SNX18: variants seen among roughly 807,000 people sequenced by gnomAD.
The protein encoded by SNX18 is sorting nexin 18, also known as sorting nexin-18.
SNX18 carries 35 observed loss-of-function variants against 48.7 expected under a neutral mutation model. That is an observed-to-expected ratio of 0.72 (90% CI 0.55 to 0.95). The LOEUF (loss-of-function observed/expected upper bound fraction) is 0.95. Ranked by LOEUF, SNX18 falls within the 40% of genes least tolerant of loss-of-function variation. The probability of loss-of-function intolerance (pLI) is 0.00; values close to 1 mark genes in which losing one functional copy is unlikely to be tolerated. For missense variants in SNX18, 824 were observed against 871.0 expected, an observed-to-expected ratio of 0.95 and a Z score of 0.68; for synonymous variants, 492 against 384.7, an observed-to-expected ratio of 1.28 and a Z score of -3.26.
the SNX18 span, among the ~76,000 whole-genome samples, chr5:54,568,950 C>G: frequency 5.4e-5 from 8 of 147,098 alleles, no homozygotes; most frequent in African/African-American, 2.0e-4. Context: ...TCAAGCCATT[C>G]TCCTACCTCA....
At chr5:54,553,718 C>G in the SNX18 span, among the ~76,000 whole-genome samples, 6 of 152,306 alleles carry the variant, frequency 3.9e-5, 1 homozygote, top group Middle Eastern at 0.014. Context: ...GTGCACACAT[C>G]TGTATGTCAG....
chr5:54,630,346 T>C, the SNX18 span, among the ~76,000 whole-genome samples: 1 of 152,168 alleles, frequency 6.6e-6, no homozygotes, highest in Non-Finnish European at 1.5e-5. Context: ...TGCGTGTGCA[T>C]GTGCAGAGAT....
chr5:54,631,194 C>A, the SNX18 span, among the ~76,000 whole-genome samples: 3 of 152,194 alleles, frequency 2.0e-5, no homozygotes, highest in Admixed American at 2.0e-4. Context: ...CCAGCCAAAA[C>A]TAACAGCCGG....
the SNX18 span, among the ~76,000 whole-genome samples, chr5:54,597,540 C>T: frequency 6.6e-6 from 1 of 152,134 alleles, no homozygotes; most frequent in African/African-American, 2.4e-5. Flanking sequence ...CCATAACAGT[C>T]TCTCAGACCA....
chr5:54,551,887 T>C, the SNX18 span, among the ~76,000 whole-genome samples: 1 of 152,228 alleles, frequency 6.6e-6, no homozygotes, highest in Non-Finnish European at 1.5e-5. Flanking sequence ...CAGAGACCTT[T>C]GTGATCCTCT....
At chr5:54,618,348 G>C in the SNX18 span, among the ~76,000 whole-genome samples, 1 of 152,192 alleles carries the variant, frequency 6.6e-6, no homozygotes, top group Non-Finnish European at 1.5e-5. Context: ...AGCAGTGTGA[G>C]AATGGACCAA....
At chr5:54,640,582 G>A in the SNX18 span, among the ~76,000 whole-genome samples, 1 of 152,150 alleles carries the variant, frequency 6.6e-6, no homozygotes, top group African/African-American at 2.4e-5. Flanking sequence ...CCCAGCAAGA[G>A]ATCATCTGGA....
chr5:54,519,689 G>A (rs1235600324), intron 1 of SNX18, 116 bp downstream of exon 1: 2 of 1,614,198 alleles, frequency 1.2e-6, no homozygotes, highest in Non-Finnish European at 1.7e-6. Flanking sequence ...GTGAGGAAGC[G>A]AGCAGAGACG....
the SNX18 span, among the ~76,000 whole-genome samples, chr5:54,597,746 G>C: frequency 6.6e-6 from 1 of 152,192 alleles, no homozygotes; most frequent in Admixed American, 6.5e-5. Context: ...GCAGTGTTAA[G>C]AGGGAGATTT....
the SNX18 span, among the ~76,000 whole-genome samples, chr5:54,583,188 G>A: frequency 6.6e-6 from 1 of 152,152 alleles, no homozygotes; most frequent in Non-Finnish European, 1.5e-5. Flanking sequence ...TGTTTCTCAG[G>A]CTGGTCTTGA....
chr5:54,561,071 T>G, the SNX18 span, among the ~76,000 whole-genome samples: 6 of 152,204 alleles, frequency 3.9e-5, no homozygotes, highest in African/African-American at 1.4e-4. Context: ...AGATGGAGTT[T>G]TGTTCTGATT....
chr5:54,608,519 A>C, the SNX18 span, among the ~76,000 whole-genome samples: 30 of 152,188 alleles, frequency 2.0e-4, no homozygotes, highest in Admixed American at 1.5e-3. Flanking sequence ...TACAGGCATA[A>C]GGCACCACAC....
chr5:54,578,574 G>C, the SNX18 span, among the ~76,000 whole-genome samples: 2 of 152,186 alleles, frequency 1.3e-5, no homozygotes, highest in African/African-American at 2.4e-5. Flanking sequence ...CTGCCTTTGT[G>C]GGGAGCTGAA....
the SNX18 span, among the ~76,000 whole-genome samples, chr5:54,602,343 C>A: frequency 6.6e-6 from 1 of 152,164 alleles, no homozygotes; most frequent in East Asian, 1.9e-4. Flanking sequence ...AGGTAGGTGT[C>A]ACTGGGAAAA....
chr5:54,607,425 CT>C, the SNX18 span, among the ~76,000 whole-genome samples: 1 of 152,226 alleles, frequency 6.6e-6, no homozygotes, highest in African/African-American at 2.4e-5. Flanking sequence ...CCTTTTCACA[CT>C]CTTTCGATGT....
chr5:54,640,496 T>C, the SNX18 span, among the ~76,000 whole-genome samples: 3 of 152,278 alleles, frequency 2.0e-5, no homozygotes, highest in Admixed American at 1.3e-4. Flanking sequence ...TTGCTGGGAT[T>C]ACAAGGCATC....
At chr5:54,590,485 GCCAGAT>G in the SNX18 span, among the ~76,000 whole-genome samples, 3 of 152,016 alleles carry the variant, frequency 2.0e-5, no homozygotes, top group Admixed American at 6.5e-5. Context: ...GTCTCCCTAA[GCCAGAT>G]CCATGTGATC....
the SNX18 span, among the ~76,000 whole-genome samples, chr5:54,616,931 AT>A: frequency 6.6e-6 from 1 of 152,164 alleles, no homozygotes; most frequent in African/African-American, 2.4e-5. Context: ...AATGGGAGAT[AT>A]TTGGGGACAG....
the SNX18 span, among the ~76,000 whole-genome samples, chr5:54,638,719 AC>A: frequency 6.6e-6 from 1 of 152,220 alleles, no homozygotes; most frequent in South Asian, 2.1e-4. Context: ...TAACAATCTT[AC>A]AAGATATGTA....
Sources: allele counts gnomAD v4.1 joint callset (sites outside exome capture counted in the v4.1 genomes callset), GRCh38; gene constraint gnomAD v4.1.1; transcripts MANE v1.5; gene names NCBI Gene and HGNC (gene_info 2026-07-23, HGNC 2026-07-21).